The following ABLIM1 variants were observed in gnomAD, a reference collection of about 807,000 sequenced individuals.
The protein encoded by ABLIM1 is actin-binding LIM protein 1.
In ABLIM1, 40 loss-of-function variants were observed where a neutral mutation model predicts 107.0. That is an observed-to-expected ratio of 0.37 (90% CI 0.29 to 0.49). The LOEUF is 0.49. Ranked by LOEUF, ABLIM1 falls within the 20% of genes least tolerant of loss-of-function variation. The probability of loss-of-function intolerance (pLI) is 0.97; values close to 1 mark genes in which losing one functional copy is unlikely to be tolerated. For synonymous variants in ABLIM1, 357 were observed against 357.3 expected, an observed-to-expected ratio of 1.00 and a Z score of 0.01; for missense variants, 857 against 1,008.5, an observed-to-expected ratio of 0.85 and a Z score of 2.04.
intron 19 of ABLIM1, 81 bp downstream of exon 19, chr10:114,440,935 CA>C: frequency 7.6e-7 from 1 of 1,322,858 alleles, no homozygotes; most frequent in Non-Finnish European, 1.1e-6. Context: ...ACAGCATGAA[CA>C]CAGCCAGTAT....
rs145755070 is a variant in ABLIM1 at position 114,734,006 on chromosome 10, G to A, written c.-213+34055C>T. ...CTGCCAAATAGCTAGGATTACAGGC[G>A]TGTGCCACCATGCCCGGCTGATTTT... On this transcript the variant is annotated intron_variant, in intron 1 of 15. Transcript: ENST00000651092. Among the ~76,000 whole-genome samples, 431 of 152,122 alleles carry A rather than the reference G, an allele frequency of 2.8e-3. 5 individuals carry two copies. Among genetic ancestry groups the A allele is most frequent in the South Asian group, 0.021 (100 of 4,822 alleles).
intron 6 of ABLIM1, among the ~76,000 whole-genome samples, chr10:114,532,408 G>A (rs1300575539): frequency 6.6e-6 from 1 of 152,204 alleles, no homozygotes; most frequent in Non-Finnish European, 1.5e-5. Context: ...TCCATCTGCT[G>A]GAATTGGCAT....
intron 1 of ABLIM1, among the ~76,000 whole-genome samples, chr10:114,665,580 G>A (rs1375911617): frequency 6.6e-6 from 1 of 152,218 alleles, no homozygotes; most frequent in Non-Finnish European, 1.5e-5. Context: ...CATGACCTTT[G>A]AGCAGGCACA....
chr10:114,535,159 T>C (rs1435977982), intron 6 of ABLIM1, among the ~76,000 whole-genome samples: 2 of 152,222 alleles, frequency 1.3e-5, no homozygotes, highest in Non-Finnish European at 2.9e-5. Flanking sequence ...ACATTGGATT[T>C]CAACTTGAGT....
At chr10:114,504,437 G>A (rs538420906) in intron 6 of ABLIM1, among the ~76,000 whole-genome samples, 4 of 152,160 alleles carry the variant, frequency 2.6e-5, no homozygotes, top group South Asian at 2.1e-4. Flanking sequence ...TACTTTAGTC[G>A]TTTGGACAGT....
chr10:114,549,339 T>C (rs1241080321), intron 4 of ABLIM1, among the ~76,000 whole-genome samples: 1 of 152,152 alleles, frequency 6.6e-6, no homozygotes, highest in East Asian at 1.9e-4. Context: ...GCTGAGATCA[T>C]GCCATTGCAC....
At chr10:114,798,428 A>G in the ABLIM1 span, among the ~76,000 whole-genome samples, 7,844 of 151,266 alleles carry the variant, frequency 0.052, 675 homozygotes, top group African/African-American at 0.18. Context: ...TGTTTTAAAA[A>G]AAAAAACAAC....
intron 6 of ABLIM1, among the ~76,000 whole-genome samples, chr10:114,528,975 G>A (rs538680436): frequency 6.6e-6 from 1 of 152,252 alleles, no homozygotes; most frequent in South Asian, 2.1e-4. Flanking sequence ...CTCACCTCAT[G>A]TTTAAGATAT....
At chr10:114,522,477 G>C (rs2063899138) in intron 6 of ABLIM1, among the ~76,000 whole-genome samples, 1 of 152,172 alleles carries the variant, frequency 6.6e-6, no homozygotes, top group Non-Finnish European at 1.5e-5. Context: ...AATTCTCTAT[G>C]TTTTCAAGTA....
At chr10:114,471,909 G>C (rs1308450428) in intron 10 of ABLIM1, among the ~76,000 whole-genome samples, 1 of 152,002 alleles carries the variant, frequency 6.6e-6, no homozygotes, top group Non-Finnish European at 1.5e-5. Context: ...AAAAATAAAA[G>C]AGAAAAAAAT....
At chr10:114,558,913 C>G (rs2483547) in intron 4 of ABLIM1, among the ~76,000 whole-genome samples, 55,612 of 148,754 alleles carry the variant, frequency 0.37, 13,480 homozygotes, top group African/African-American at 0.7. Flanking sequence ...GTGTGTGTGT[C>G]TGTGTGTGTG....
At chr10:114,607,686 T>C (rs578060137) in intron 1 of ABLIM1, among the ~76,000 whole-genome samples, 2 of 152,260 alleles carry the variant, frequency 1.3e-5, no homozygotes, top group East Asian at 3.9e-4. Context: ...TATGAAATCA[T>C]GAGAAAAATC....
intron 1 of ABLIM1, among the ~76,000 whole-genome samples, chr10:114,738,291 C>T (rs564411456): frequency 6.6e-6 from 1 of 152,276 alleles, no homozygotes; most frequent in South Asian, 2.1e-4. Flanking sequence ...TTCAAGTGAT[C>T]CACCCACCTT....
At chr10:114,795,908 T>C in the ABLIM1 span, among the ~76,000 whole-genome samples, 1 of 152,142 alleles carries the variant, frequency 6.6e-6, no homozygotes, top group Non-Finnish European at 1.5e-5. Context: ...TGAGAAAGCA[T>C]GTCCTTGTTT....
chr10:114,560,683 C>T (rs144354162), intron 4 of ABLIM1, among the ~76,000 whole-genome samples: 41 of 152,282 alleles, frequency 2.7e-4, no homozygotes, highest in African/African-American at 7.7e-4. Context: ...TTTGTCAGCA[C>T]GTATCCCTGT....
chr10:114,801,364 G>T, the ABLIM1 span, among the ~76,000 whole-genome samples: 1 of 152,142 alleles, frequency 6.6e-6, no homozygotes, highest in Non-Finnish European at 1.5e-5. Flanking sequence ...TTGAGTACGC[G>T]GAGGAAGAGA....
At chr10:114,568,392 A>T (rs543543900) in intron 4 of ABLIM1, among the ~76,000 whole-genome samples, 60 of 152,254 alleles carry the variant, frequency 3.9e-4, no homozygotes, top group African/African-American at 1.1e-3. Context: ...TGGAATTTTT[A>T]AAAAAACATT....
upstream of ABLIM1, among the ~76,000 whole-genome samples, chr10:114,772,419 T>C (rs1367006059): frequency 1.3e-5 from 2 of 151,584 alleles, no homozygotes; most frequent in South Asian, 2.1e-4. Flanking sequence ...CTGGACAACA[T>C]GGCAAAACCC....
chr10:114,713,012 A>G (rs2081585542), intron 1 of ABLIM1, among the ~76,000 whole-genome samples: 1 of 152,146 alleles, frequency 6.6e-6, no homozygotes, highest in Non-Finnish European at 1.5e-5. Context: ...TCATACTACT[A>G]TACTCCAGCC....
Sources: gnomAD v4.1 joint callset for allele counts (sites outside exome capture counted in the v4.1 genomes callset) on GRCh38, gnomAD v4.1.1 for gene constraint, MANE v1.5 for transcripts, NCBI Gene and HGNC (gene_info 2026-07-23, HGNC 2026-07-21) for gene names.